TENM2: variants seen among roughly 807,000 people sequenced by gnomAD.
TENM2 encodes the protein teneurin-2.
Under a neutral mutation model 245.2 loss-of-function variants are expected in TENM2, and 52 were observed. That is an observed-to-expected ratio of 0.21 (90% CI 0.17 to 0.27). The LOEUF (loss-of-function observed/expected upper bound fraction) is 0.27. Among genes scored for constraint, TENM2 ranks in the 10% least tolerant of loss-of-function variants. TENM2 has a pLI of 1.00. For synonymous variants in TENM2, 1,363 were observed against 1,438.9 expected, an observed-to-expected ratio of 0.95 and a Z score of 1.19; for missense variants, 3,046 against 3,666.8, an observed-to-expected ratio of 0.83 and a Z score of 4.37.
rs1458018534 is a variant in TENM2, at chr5:167,940,507, G to C, written c.713-12081G>C. On this transcript the variant is annotated intron_variant, in intron 3 of 28. Transcript: ENST00000518659. Reference sequence around the variant, plus strand: ...CTGTCTCGGAAGGCAGGTCTTAAAAGATGACATTTGAGCTGAGACCTGCAG... The same window carrying C: ...CTGTCTCGGAAGGCAGGTCTTAAAACATGACATTTGAGCTGAGACCTGCAG... Among the ~76,000 whole-genome samples the C allele has an allele frequency of 2.0e-5, 3 of 152,212 alleles. No individual in the cohort carries two copies. In the East Asian group the frequency reaches 5.8e-4, roughly 29 times the overall value.
intron 2 of TENM2, among the ~76,000 whole-genome samples, chr5:167,750,462 G>A (rs1761886867): frequency 1.3e-5 from 2 of 152,110 alleles, no homozygotes; most frequent in East Asian, 3.9e-4. Context: ...ATTTTCTGGA[G>A]TTGTGAGCCA....
intron 1 of TENM2, among the ~76,000 whole-genome samples, chr5:167,367,650 T>C (rs1760143037): frequency 1.3e-5 from 2 of 152,158 alleles, no homozygotes; most frequent in African/African-American, 4.8e-5. Flanking sequence ...TTTATATTTG[T>C]ATAAAAATAA....
chr5:167,363,717 C>T (rs532153436), intron 1 of TENM2, among the ~76,000 whole-genome samples: 47 of 97,424 alleles, frequency 4.8e-4, no homozygotes, highest in Admixed American at 9.0e-4. Flanking sequence ...GGCAACCAAG[C>T]GAGACTCCAT....
intron 2 of TENM2, among the ~76,000 whole-genome samples, chr5:167,472,647 G>A (rs1421948219): frequency 6.6e-6 from 1 of 152,138 alleles, no homozygotes; most frequent in East Asian, 1.9e-4. Context: ...CCTTTCCCTC[G>A]TATCTCTAGT....
intron 4 of TENM2, among the ~76,000 whole-genome samples, chr5:167,960,014 C>G (rs1780876796): frequency 6.6e-6 from 1 of 152,226 alleles, no homozygotes; most frequent in Non-Finnish European, 1.5e-5. Flanking sequence ...GCCTGGGTAT[C>G]ACCAGCGGAG....
At chr5:168,208,635 C>T (rs1030143599) in intron 19 of TENM2, among the ~76,000 whole-genome samples, 11 of 152,146 alleles carry the variant, frequency 7.2e-5, no homozygotes, top group African/African-American at 2.4e-4. Flanking sequence ...CCTATGTGGT[C>T]AGGCTTTGAA....
intron 2 of TENM2, among the ~76,000 whole-genome samples, chr5:167,567,975 T>G (rs1405670192): frequency 1.4e-5 from 1 of 73,792 alleles, no homozygotes; most frequent in African/African-American, 5.0e-5. Context: ...ATATATATTG[T>G]ACAAAAAAAA....
In TENM2 at chr5:167,774,713, G is replaced by A. The variant is rs74466642; in HGVS notation, c.503-101273G>A. 7.3e-3 allele frequency among the ~76,000 whole-genome samples: 1,119 copies of A among 152,298 alleles called. 17 individuals carry two copies. Among genetic ancestry groups the A allele is most frequent in the African/African-American group, 0.026 (1,073 of 41,568 alleles). On this transcript the variant is annotated intron_variant, in intron 2 of 28. Coordinates refer to ENST00000518659, the Ensembl canonical transcript of TENM2. ...TCCAATCACTAGGTCAAGAGGGGAT[G>A]ACAAAAGTCTCAGAAATGCCATACC...
At chr5:167,441,925 C>T (rs536130462) in intron 2 of TENM2, among the ~76,000 whole-genome samples, 2 of 152,298 alleles carry the variant, frequency 1.3e-5, no homozygotes, top group South Asian at 2.1e-4. Flanking sequence ...GTCTTCTTTG[C>T]CACCTACTTG....
chr5:168,132,491 G>A (rs1424805051), intron 12 of TENM2, among the ~76,000 whole-genome samples: 1 of 152,242 alleles, frequency 6.6e-6, no homozygotes, highest in Non-Finnish European at 1.5e-5. Flanking sequence ...TGGGGAGACA[G>A]TGATTTGTGT....
chr5:168,182,610 A>G (rs1337940894), intron 13 of TENM2, among the ~76,000 whole-genome samples: 1 of 152,184 alleles, frequency 6.6e-6, no homozygotes, highest in Non-Finnish European at 1.5e-5. Context: ...CTGAGCCAAA[A>G]GTCCAGTACC....
chr5:167,422,132 AG>A (rs1444169784), intron 2 of TENM2, among the ~76,000 whole-genome samples: 1 of 152,134 alleles, frequency 6.6e-6, no homozygotes, highest in Non-Finnish European at 1.5e-5. Flanking sequence ...CTCCATTAAT[AG>A]GATATATTTA....
chr5:167,350,282 C>T (rs908327864), intron 1 of TENM2, among the ~76,000 whole-genome samples: 7 of 151,846 alleles, frequency 4.6e-5, no homozygotes, highest in African/African-American at 1.7e-4. Flanking sequence ...AATAGGAAGT[C>T]AATAATTTAT....
chr5:167,422,321 A>C (rs1763560049), intron 2 of TENM2, among the ~76,000 whole-genome samples: 1 of 152,216 alleles, frequency 6.6e-6, no homozygotes, highest in Admixed American at 6.5e-5. Context: ...TGTGCAGTTC[A>C]ACATAATAAT....
At chr5:168,113,176 T>C (rs987322337) in intron 9 of TENM2, among the ~76,000 whole-genome samples, 1 of 151,972 alleles carries the variant, frequency 6.6e-6, no homozygotes, top group African/African-American at 2.4e-5. Flanking sequence ...TTAAATTAGC[T>C]GGGCATGGTG....
intron 2 of TENM2, among the ~76,000 whole-genome samples, chr5:167,748,249 T>C (rs1761721716): frequency 6.6e-6 from 1 of 152,230 alleles, no homozygotes; most frequent in Admixed American, 6.5e-5. Context: ...CAAATTATTT[T>C]GTGGTACGGA....
In TENM2 at chr5:167,438,644, G is replaced by A. The variant is rs531297167; in HGVS notation, c.502+63171G>A. ...GATCTCCTGACCTCGTGATTCGTCC[G>A]CCTTGGCCTCCCAAAGTGCTGGGAT... On this transcript the variant is annotated intron_variant, in intron 2 of 28. Coordinates refer to ENST00000518659, the Ensembl canonical transcript of TENM2. Among the ~76,000 whole-genome samples, 237 of 152,230 alleles carry A rather than the reference G, an allele frequency of 1.6e-3. 1 individual carries two copies. The highest frequency in any genetic ancestry group is 1.8e-3 in the Non-Finnish European group (121 of 68,012).
intron 2 of TENM2, among the ~76,000 whole-genome samples, chr5:167,460,310 A>G (rs1766214697): frequency 6.6e-6 from 1 of 152,174 alleles, no homozygotes. Context: ...GATATTAATA[A>G]AATACTATTG....
chr5:167,820,724 A>T (rs1242449116), intron 2 of TENM2, among the ~76,000 whole-genome samples: 1 of 152,226 alleles, frequency 6.6e-6, no homozygotes, highest in African/African-American at 2.4e-5. Context: ...CCCCTCAAAC[A>T]TAGTGAAAAG....
Sources: gnomAD v4.1 joint callset for allele counts (sites outside exome capture counted in the v4.1 genomes callset) on GRCh38, gnomAD v4.1.1 for gene constraint, MANE v1.5 for transcripts, NCBI Gene and HGNC (gene_info 2026-07-23, HGNC 2026-07-21) for gene names.